The following DHX57 variants were observed in gnomAD, a reference collection of about 807,000 sequenced individuals.
The protein encoded by DHX57 is DExH-box helicase 57.
DHX57 carries 105 observed loss-of-function variants against 156.2 expected under a neutral mutation model. The observed-to-expected ratio is 0.67, with a 90% CI of 0.57 to 0.79. DHX57 has a LOEUF of 0.79. Ranked by LOEUF, DHX57 falls within the 30% of genes least tolerant of loss-of-function variation. The probability of loss-of-function intolerance (pLI) is 0.00; values close to 1 mark genes in which losing one functional copy is unlikely to be tolerated. For missense variants in DHX57, 1,847 were observed against 1,661.9 expected (o/e 1.11, Z -1.94); for synonymous variants, 704 against 595.6 (o/e 1.18, Z -2.65).
Position 38,846,628 on chromosome 2 carries a change from AAAAG to A in DHX57, c.2219+387_2219+390del, listed in dbSNP as rs1386965364. Among the ~76,000 whole-genome samples, 27 of 151,872 alleles carry A rather than the reference AAAAG, an allele frequency of 1.8e-4. No homozygotes were observed. The East Asian group carries it at 2.7e-3, about 15-fold the overall frequency. On this transcript the variant is annotated intron_variant, in intron 11 of 23. Coordinates refer to ENST00000457308, the MANE Select transcript of DHX57 (RefSeq NM_198963.3). Reference sequence around the variant, plus strand: ...TAAGACTCTATCTCAAAAAAAAAAAAAAAGAAAGAAAGAAAAAGTAAGTAGAGGG... The same window carrying A: ...TAAGACTCTATCTCAAAAAAAAAAAAAAAGAAAGAAAAAGTAAGTAGAGGG...
rs187718655 is a variant in DHX57 at position 38,811,850 on chromosome 2, A to C, written c.3681+1971T>G. ...TAGCCTCAAAACTATATTGTCACCT[A>C]AAACTTCTTATACCACATTTATGTT... is the stretch of plus-strand genomic sequence containing the variant. On this transcript the variant is annotated intron_variant, in intron 21 of 23. Transcript: ENST00000457308. 1.4e-4 allele frequency among the ~76,000 whole-genome samples: 21 copies of C among 152,340 alleles called. No homozygotes were observed. In the East Asian group the frequency reaches 3.9e-3, roughly 28 times the overall value.
intron 9 of DHX57, among the ~76,000 whole-genome samples, chr2:38,849,735 T>A (rs1291199202): frequency 6.6e-6 from 1 of 152,184 alleles, no homozygotes; most frequent in Non-Finnish European, 1.5e-5. Flanking sequence ...CTTTGAGGCA[T>A]GCACCTTGGG....
At chr2:38,820,013 T>G (rs1421476937) in intron 17 of DHX57, among the ~76,000 whole-genome samples, 1 of 152,224 alleles carries the variant, frequency 6.6e-6, no homozygotes. Context: ...TCTCAGGCTC[T>G]AAAGGTATCA....
intron 12 of DHX57, among the ~76,000 whole-genome samples, chr2:38,841,973 A>G (rs1219868438): frequency 1.3e-5 from 2 of 152,248 alleles, no homozygotes; most frequent in Non-Finnish European, 1.5e-5. Flanking sequence ...TTTTAAAATC[A>G]TGTCAAATAT....
intron 9 of DHX57, chr2:38,853,044 G>GTTTTCTTTTC (rs1194531472): frequency 0.12 from 18,615 of 153,146 alleles, 1,479 homozygotes; most frequent in East Asian, 0.32. Context: ...TCATATTTCA[G>GTTTTCTTTTC]TTTTCTTTTC....
intron 13 of DHX57, among the ~76,000 whole-genome samples, chr2:38,831,428 C>A (rs565981759): frequency 7.9e-5 from 12 of 151,560 alleles, no homozygotes; most frequent in African/African-American, 2.9e-4. Flanking sequence ...CTCCTGGGTT[C>A]AAGCGATTCT....
chr2:38,846,996 A>C (rs201462795), intron 11 of DHX57, 23 bp downstream of exon 11: 25 of 1,601,356 alleles, frequency 1.6e-5, no homozygotes, highest in Non-Finnish European at 2.1e-5. Context: ...CTTTCACTGA[A>C]TCTTAATTAA....
chr2:38,828,268 C>G, intron 14 of DHX57, 72 bp downstream of exon 14: 1 of 1,211,910 alleles, frequency 8.3e-7, no homozygotes, highest in Non-Finnish European at 1.2e-6. Flanking sequence ...CTTCCAGGGT[C>G]TAAAGAGGGT....
At position 38,861,189 on chromosome 2, in the gene DHX57, G is replaced by T; in HGVS notation, c.1221C>A (p.Val407=). 6.2e-7 allele frequency: 1 copy of T among 1,614,070 alleles called. No homozygotes were observed. Among genetic ancestry groups the T allele is most frequent in the Non-Finnish European group, 8.5e-7 (1 of 1,180,028 alleles). ...ALTFAETSEP[V]VYSLITLLEE... The stretch of plus-strand genomic sequence containing the variant: ...CTAAAAGGGTTATCAAAGAATATAC[G>T]ACAGGTTCCGAAGTTTCCGCAAATG... The change falls in exon 5 of 24, where the codon GTC becomes GTA. Residue 407 remains valine, a synonymous_variant. Transcript: ENST00000457308.
rs1279893674 is a variant in DHX57, at chr2:38,855,189, C to G, written c.1773G>C (p.Glu591Asp). The G allele has an allele frequency of 6.2e-7, 1 of 1,614,046 alleles. No homozygotes were observed. ...ILDDSLNGPP[E>D]KVANIICTQP... ...GGGTACAGATGATGTTGGCTACCTT[C>G]TCAGGTGGTCCATTCAGAGAATCAT... The change falls in exon 8 of 24, where the codon GAG becomes GAC. Residue 591 changes from glutamate (E) to aspartate (D), a missense_variant. Glu to Asp is a conservative substitution (Grantham distance 45). Transcript: ENST00000457308.
rs146662521 is a variant in DHX57, at chr2:38,802,766, G to A, written c.3966C>T (p.Phe1322=). 4,575 of 1,614,100 alleles carry A rather than the reference G, an allele frequency of 2.8e-3. 17 individuals are homozygous for A. The highest frequency in any genetic ancestry group is 9.9e-3 in the South Asian group (902 of 91,072). ...TCCAACCATCATCCAGGGAGACAAC[G>A]AACTCTCCTCTTTGAAGCTGCACAT... ...QVNVQLQRGE[F]VVSLDDGWIR... Residue 1322 remains phenylalanine, a synonymous_variant, in exon 23 of 24, where the codon TTC becomes TTT. Coordinates refer to ENST00000457308, the MANE Select transcript of DHX57 (RefSeq NM_198963.3).
At chr2:38,849,910 T>A (rs1672493731) in intron 9 of DHX57, among the ~76,000 whole-genome samples, 1 of 152,194 alleles carries the variant, frequency 6.6e-6, no homozygotes, top group African/African-American at 2.4e-5. Context: ...TCCCTTGAAT[T>A]TCTATTGTCT....
rs574558244 is a variant in DHX57 at position 38,862,420 on chromosome 2, A to G, written c.384-87T>C. ...TAGCAAAGGTCTAAGAATTTAATTCATAGGATCCTGACTACTCTTCAGTTG... is the reference window on the plus strand; with the variant it reads ...TAGCAAAGGTCTAAGAATTTAATTCGTAGGATCCTGACTACTCTTCAGTTG... On this transcript the variant is annotated intron_variant, in intron 3 of 23. Coordinates refer to ENST00000457308, the MANE Select transcript of DHX57 (RefSeq NM_198963.3). 9 of 1,279,312 alleles carry G rather than the reference A, an allele frequency of 7.0e-6. No individual in the cohort carries two copies. The African/African-American group carries it at 1.2e-4, about 17-fold the overall frequency. The allele number at this position is 1,279,312 out of a possible 1,614,324, so 79.2% of individuals were successfully genotyped here.
chr2:38,829,561 C>T (rs867907756), intron 13 of DHX57, among the ~76,000 whole-genome samples: 2 of 152,112 alleles, frequency 1.3e-5, no homozygotes, highest in East Asian at 1.9e-4. Context: ...TGAGCCACTG[C>T]GCTTGGCCCC....
In DHX57 at chr2:38,868,330, C is replaced by G; in HGVS notation, c.76G>C (p.Gly26Arg). 1 of 1,613,954 alleles carries G rather than the reference C, an allele frequency of 6.2e-7. No homozygotes were observed. Among genetic ancestry groups the G allele is most frequent in the Non-Finnish European group, 8.5e-7 (1 of 1,180,036 alleles). The part of the protein sequence containing the change: ...GKGSSRGGRG[G>R]RSHASKSHGS... ...TGAGATTTACTGGCGTGACTCCTGCCTCCTCTTCCTCCTCTAGAAGACCCT... is the reference window on the plus strand; with the variant it reads ...TGAGATTTACTGGCGTGACTCCTGCGTCCTCTTCCTCCTCTAGAAGACCCT... The change falls in exon 2 of 24, where the codon GGC becomes CGC. Residue 26 changes from glycine to arginine, a missense_variant. Physicochemically the swap from Gly to Arg is moderately radical, Grantham distance 125. Transcript: ENST00000457308.
rs769830954 is a variant in DHX57, at chr2:38,818,980, A to C, written c.3388-20T>G. The C allele has an allele frequency of 6.2e-7, 1 of 1,614,168 alleles. No individual in the cohort carries two copies. Among genetic ancestry groups the C allele is most frequent in the South Asian group, 1.1e-5 (1 of 91,084 alleles). Reference sequence around the variant, plus strand: ...CCATCCCTAAATTTTGGAGAAAATCAAACTGAACTTACTCAGTCTTCAGTG... The same window carrying C: ...CCATCCCTAAATTTTGGAGAAAATCCAACTGAACTTACTCAGTCTTCAGTG... On this transcript the variant is annotated intron_variant, in intron 18 of 23. Coordinates refer to ENST00000457308, the MANE Select transcript of DHX57 (RefSeq NM_198963.3).
chr2:38,866,033 A>C (rs1665052592), intron 2 of DHX57, among the ~76,000 whole-genome samples: 1 of 151,972 alleles, frequency 6.6e-6, no homozygotes, highest in Non-Finnish European at 1.5e-5. Context: ...AATCCGGTCC[A>C]TGTTCTGCTG....
Position 38,803,102 on chromosome 2 carries a change from T to C in DHX57, c.3817-187A>G, listed in dbSNP as rs1039538236. 1.1e-5 allele frequency: 7 copies of C among 611,394 alleles called. No homozygotes were observed. In the African/African-American group the frequency reaches 1.3e-4, roughly 11 times the overall value. The allele number at this position is 611,394 out of a possible 1,614,324, so 37.9% of individuals were successfully genotyped here. A position where few individuals can be genotyped will look rare whatever the true frequency, so the allele number is the denominator to read the frequency against. ...TTGCCATCTCCTCTTGGACATTTAA[T>C]ACATATCTCACACTTGTGTTTAAAA... On this transcript the variant is annotated intron_variant, in intron 22 of 23. Transcript: ENST00000457308.
intron 12 of DHX57, among the ~76,000 whole-genome samples, chr2:38,838,441 A>G (rs1303358575): frequency 6.6e-6 from 1 of 151,998 alleles, no homozygotes; most frequent in African/African-American, 2.4e-5. Context: ...ATCAGAAGTA[A>G]TTTTTGCTTG....
Sources: allele counts gnomAD v4.1 joint callset (sites outside exome capture counted in the v4.1 genomes callset), GRCh38; gene constraint gnomAD v4.1.1; transcripts MANE v1.5; gene names NCBI Gene and HGNC (gene_info 2026-07-23, HGNC 2026-07-21).